The following HSF1 variants were observed in gnomAD, a reference collection of about 807,000 sequenced individuals.
HSF1 encodes heat shock factor protein 1.
A neutral mutation model predicts 51.7 loss-of-function variants in HSF1; 32 were observed. The ratio of observed to expected loss-of-function variants is 0.62; its 90% CI spans 0.47 to 0.83. HSF1 has a LOEUF of 0.83. Ranked by LOEUF, HSF1 falls within the 40% of genes least tolerant of loss-of-function variation. HSF1 has a pLI of 0.00. For synonymous variants in HSF1, 396 were observed against 309.7 expected (o/e 1.28, Z -2.92); for missense variants, 727 against 717.0 (o/e 1.01, Z -0.16).
At position 144,314,048 on chromosome 8, in the gene HSF1, G is replaced by T. The variant is rs1195629513; in HGVS notation, c.1378G>T (p.Asp460Tyr). 1.2e-6 allele frequency: 2 copies of T among 1,609,746 alleles called. No homozygotes were observed. The highest frequency in any genetic ancestry group is 2.7e-5 in the African/African-American group (2 of 74,214). The change falls in exon 12 of 13, where the codon GAT becomes TAT. Residue 460 changes from aspartate to tyrosine, a missense_variant. Physicochemically the swap from Asp to Tyr is radical, Grantham distance 160 (BLOSUM62 -3). Around this residue, in one of 2 missense-constraint regions of HSF1, gnomAD observed 470 missense variants for 398.8 expected, o/e 1.18. Transcript: ENST00000528838. ...TCCCGAGGCAGAGAACAGCAGCCCGGATTCAGGTGAGCCAAGTCCCACCGG... is the reference window on the plus strand; with the variant it reads ...TCCCGAGGCAGAGAACAGCAGCCCGTATTCAGGTGAGCCAAGTCCCACCGG... Reference protein sequence around the residue: ...RPPEAENSSPDSGKQLVHYTA... With the variant: ...RPPEAENSSPYSGKQLVHYTA...
chr8:144,313,470 G>A (rs2130465704), intron 9 of HSF1, 41 bp from the exon 10 acceptor site: 2 of 1,336,528 alleles, frequency 1.5e-6, no homozygotes, highest in Non-Finnish European at 1.1e-6. Flanking sequence ...GGGGTGTGGG[G>A]CCTGGGGCAC....
intron 1 of HSF1, among the ~76,000 whole-genome samples, chr8:144,301,245 C>T (rs1295577524): frequency 2.6e-5 from 4 of 152,024 alleles, no homozygotes; most frequent in Non-Finnish European, 5.9e-5. Context: ...ATAGCAAGAC[C>T]CTGTCTCTAT....
At chr8:144,299,769 C>T (rs995918703) in intron 1 of HSF1, among the ~76,000 whole-genome samples, 1 of 151,538 alleles carries the variant, frequency 6.6e-6, no homozygotes, top group Non-Finnish European at 1.5e-5. Flanking sequence ...ATTAGCCGGG[C>T]GTGGTGGCGG....
chr8:144,314,033 G>C lies in HSF1; in HGVS notation c.1363G>C (p.Glu455Gln). The change falls in exon 12 of 13, where the codon GAG (glutamate) becomes CAG (glutamine). Residue 455 changes from glutamate (E) to glutamine (Q), a missense_variant. By Grantham distance (29) the Glu-to-Gln change is conservative. Around this residue, in one of 2 missense-constraint regions of HSF1, gnomAD observed 470 missense variants for 398.8 expected, o/e 1.18. Coordinates refer to ENST00000528838, the MANE Select transcript of HSF1 (RefSeq NM_005526.4). Reference sequence around the variant, plus strand: ...GGAGCCCCCCAGGCCTCCCGAGGCAGAGAACAGCAGCCCGGATTCAGGTGA... The same window carrying C: ...GGAGCCCCCCAGGCCTCCCGAGGCACAGAACAGCAGCCCGGATTCAGGTGA... Reference protein sequence around the residue: ...PQEPPRPPEAENSSPDSGKQL... With the variant: ...PQEPPRPPEAQNSSPDSGKQL... 6.2e-7 allele frequency: 1 copy of C among 1,609,400 alleles called. No homozygotes were observed. The highest frequency in any genetic ancestry group is 8.5e-7 in the Non-Finnish European group (1 of 1,179,004).
intron 1 of HSF1, among the ~76,000 whole-genome samples, chr8:144,300,698 G>GT: frequency 6.6e-6 from 1 of 152,362 alleles, no homozygotes; most frequent in South Asian, 2.1e-4. Flanking sequence ...AGTCTGAAAG[G>GT]TGCCAGAGTC....
chr8:144,310,110 T>TG (rs1165612145), intron 4 of HSF1: 1 of 585,586 alleles, frequency 1.7e-6, no homozygotes, highest in Non-Finnish European at 3.0e-6. Context: ...AGAAGGGGGT[T>TG]GGGAGGGTCC....
At position 144,311,806 on chromosome 8, in the gene HSF1, T is replaced by A. The variant is rs782185798; in HGVS notation, c.830T>A (p.Met277Lys). ...ACCGAGCTGGCTCCTGCCAGCCCCA[T>A]GGCCTCCCCCGGCGGGAGCATAGAC... ...DITELAPASP[M>K]ASPGGSIDER... Residue 277 changes from methionine (M) to lysine (K), a missense_variant, in exon 8 of 13, where the codon ATG becomes AAG. This residue lies in a region of HSF1 where 470 missense variants were observed against 398.8 expected (regional missense o/e 1.18). Coordinates refer to ENST00000528838, the MANE Select transcript of HSF1 (RefSeq NM_005526.4). The A allele has an allele frequency of 4.3e-6, 7 of 1,611,652 alleles. No individual in the cohort carries two copies. Among genetic ancestry groups the A allele is most frequent in the Non-Finnish European group, 5.9e-6 (7 of 1,179,410 alleles).
rs782281070 is a variant in HSF1, at chr8:144,313,503, C to T, written c.1143-8C>T. On this transcript the variant is annotated splice_polypyrimidine_tract_variant and splice_region_variant and intron_variant, in intron 9 of 12. Transcript: ENST00000528838. The stretch of plus-strand genomic sequence containing the variant: ...CACTGGTTCAGGTACCGCCTTATCC[C>T]GGGCCAGGAATGAGCTCAGTGACCA... 17 of 1,594,814 alleles carry T rather than the reference C, an allele frequency of 1.1e-5. No individual in the cohort carries two copies. Among genetic ancestry groups the T allele is most frequent in the Middle Eastern group, 1.7e-4 (1 of 6,056 alleles).
chr8:144,301,325 G>A (rs560244945), intron 1 of HSF1, among the ~76,000 whole-genome samples: 11 of 151,572 alleles, frequency 7.3e-5, no homozygotes, highest in South Asian at 2.1e-4. Flanking sequence ...AGGCTGAGGC[G>A]GGAGGATCAC....
intron 1 of HSF1, chr8:144,292,578 T>C (rs1285025159): frequency 6.6e-6 from 1 of 152,260 alleles, no homozygotes; most frequent in African/African-American, 2.4e-5. Context: ...GAGTTGGAGA[T>C]CAGAATCTGC....
chr8:144,302,241 G>T (rs1815937938), intron 1 of HSF1, among the ~76,000 whole-genome samples: 1 of 151,904 alleles, frequency 6.6e-6, no homozygotes, highest in Non-Finnish European at 1.5e-5. Context: ...GGGCGCCGTG[G>T]CTCACGCCTG....
intron 9 of HSF1, chr8:144,312,834 G>A (rs554938695): frequency 7.0e-6 from 6 of 855,164 alleles, no homozygotes; most frequent in South Asian, 2.9e-5. Context: ...CAGCAGCCGA[G>A]ACCCCTCTGT....
chr8:144,291,961 GC>G lies in HSF1; in HGVS notation c.117+90del, dbSNP rs1432401520. 3.1e-6 allele frequency: 2 copies of G among 641,150 alleles called. No homozygotes were observed. Among genetic ancestry groups the G allele is most frequent in the Admixed American group, 4.5e-5 (1 of 22,440 alleles). 39.7% of individuals were successfully genotyped at this position (641,150 alleles called of 1,614,324 possible). The stretch of plus-strand genomic sequence containing the variant: ...CGGCGCGGGAGGGCTGCGGGGAGGG[GC>G]CCTGCCGCACTTCAGCTTACGCGCG... On this transcript the variant is annotated intron_variant, in intron 1 of 12. Coordinates refer to ENST00000528838, the MANE Select transcript of HSF1 (RefSeq NM_005526.4). This position sits in a 1 kb window ranked among gnomAD's most constrained non-coding sequence, Gnocchi z 4.1.
At position 144,311,593 on chromosome 8, in the gene HSF1, C is replaced by T. The variant is rs1241317547; in HGVS notation, c.715C>T (p.Pro239Ser). The T allele has an allele frequency of 1.2e-6, 2 of 1,613,418 alleles. No homozygotes were observed. The highest frequency in any genetic ancestry group is 1.7e-6 in the Non-Finnish European group (2 of 1,179,958). The change falls in exon 7 of 13, where the codon CCC becomes TCC. Residue 239 changes from proline (P) to serine (S), a missense_variant. Pro to Ser is a moderately conservative substitution (Grantham distance 74, BLOSUM62 -1). Around this residue, in one of 2 missense-constraint regions of HSF1, gnomAD observed 470 missense variants for 398.8 expected, o/e 1.18. Transcript: ENST00000528838. ...CCTGGAGCACGTCCACGGCTCGGGC[C>T]CCTACTCGGTGAGTGCCGGAGACAG... The part of the protein sequence containing the change: ...FSLEHVHGSG[P>S]YSAPSPAYSS...
At chr8:144,304,331 T>A (rs1270075558) in intron 1 of HSF1, among the ~76,000 whole-genome samples, 1 of 152,240 alleles carries the variant, frequency 6.6e-6, no homozygotes, top group African/African-American at 2.4e-5. Flanking sequence ...GTTTTGAGAC[T>A]TTAAGTGGTT....
In HSF1 at chr8:144,309,495, G is replaced by A. The variant is rs199606239; in HGVS notation, c.267G>A (p.Leu89=). 3 of 1,614,056 alleles carry A rather than the reference G, an allele frequency of 1.9e-6. No homozygotes were observed. The African/African-American group carries it at 4.0e-5, about 22-fold the overall frequency. The change falls in exon 3 of 13, where the codon CTG becomes CTA. Residue 89 remains leucine (L), a synonymous_variant. Transcript: ENST00000528838. ...TGGTCCACATCGAGCAGGGCGGCCT[G>A]GTCAAGCCAGAGAGAGACGACACGG... ...RKVVHIEQGG[L]VKPERDDTEF...
At chr8:144,310,807 C>T in intron 4 of HSF1, 1 of 319,144 alleles carries the variant, frequency 3.1e-6, no homozygotes, top group Non-Finnish European at 6.0e-6. Flanking sequence ...ACCGTCCTCC[C>T]TTAACCTGGC....
Position 144,312,478 on chromosome 8 carries a change from C to CA in HSF1, c.1142+235dup, listed in dbSNP as rs1195608412. The CA allele has an allele frequency of 5.3e-6, 4 of 759,870 alleles. No homozygotes were observed. In the Admixed American group the frequency reaches 8.7e-5, roughly 16 times the overall value. 47.1% of individuals were successfully genotyped at this position (759,870 alleles called of 1,614,324 possible). Reference sequence around the variant, plus strand: ...CAGGCTGCCGGGCCCTGCTCTCAGCCACCCGTCCTGCTGCCGCCACCCTCG... The same window carrying CA: ...CAGGCTGCCGGGCCCTGCTCTCAGCCAACCCGTCCTGCTGCCGCCACCCTCG... On this transcript the variant is annotated intron_variant, in intron 9 of 12. Transcript: ENST00000528838.
chr8:144,314,140 A>G lies in HSF1; in HGVS notation c.1400A>G (p.His467Arg), dbSNP rs1554846071. Residue 467 changes from histidine (H) to arginine (R), a missense_variant, in exon 13 of 13, where the codon CAC (histidine) becomes CGC (arginine). Transcript: ENST00000528838. Reference protein sequence around the residue: ...SSPDSGKQLVHYTAQPLFLLD... With the variant: ...SSPDSGKQLVRYTAQPLFLLD... ...ACCCCCGCAGGGAAGCAGCTGGTGC[A>G]CTACACAGCGCAGCCGCTGTTCCTG... The G allele has an allele frequency of 3.8e-6, 5 of 1,321,210 alleles. No homozygotes were observed. Among genetic ancestry groups the G allele is most frequent in the Non-Finnish European group, 4.9e-6 (5 of 1,010,570 alleles). 81.8% of individuals were successfully genotyped at this position (1,321,210 alleles called of 1,614,324 possible).
Sources: allele counts gnomAD v4.1 joint callset (sites outside exome capture counted in the v4.1 genomes callset), GRCh38; gene constraint gnomAD v4.1.1; regional missense constraint gnomAD v4.1.1; non-coding constraint Gnocchi (gnomAD v3.1); transcripts MANE v1.5; gene names NCBI Gene and HGNC (gene_info 2026-07-23, HGNC 2026-07-21).